Variants in WNK2 observed in about 807,000 individuals in gnomAD.
The protein encoded by WNK2 is WNK lysine deficient protein kinase 2.
In WNK2, 67 loss-of-function variants were observed where a neutral mutation model predicts 192.1. The ratio of observed to expected loss-of-function variants is 0.35; its 90% CI spans 0.29 to 0.43. WNK2 has a LOEUF of 0.43. WNK2 is among the 20% of genes least tolerant of loss of function. WNK2 has a pLI of 1.00. For synonymous variants in WNK2, 1,439 were observed against 1,393.9 expected (o/e 1.03, Z -0.72); for missense variants, 2,698 against 3,089.7 (o/e 0.87, Z 3.01).
At chr9:93,282,541 T>C (rs1357500870) in intron 19 of WNK2, among the ~76,000 whole-genome samples, 2 of 151,712 alleles carry the variant, frequency 1.3e-5, no homozygotes, top group African/African-American at 4.8e-5. Flanking sequence ...AAGAGCACAC[T>C]AATACTCACC....
chr9:93,262,215 T>A, intron 13 of WNK2, 108 bp downstream of exon 13: 1 of 1,345,758 alleles, frequency 7.4e-7, no homozygotes, highest in Non-Finnish European at 9.9e-7. Flanking sequence ...TGCTTAGCTC[T>A]GGGACAGCCA....
intron 2 of WNK2, among the ~76,000 whole-genome samples, chr9:93,198,327 G>C (rs1831651654): frequency 6.6e-6 from 1 of 152,244 alleles, no homozygotes. Context: ...AGGGAGCTGA[G>C]CGGCTGCAGT....
At chr9:93,308,122 A>G in intron 27 of WNK2, 1 of 1,081,618 alleles carries the variant, frequency 9.2e-7, no homozygotes, top group East Asian at 2.6e-5. Context: ...GGTGATGGCC[A>G]CCTGGCACAG....
chr9:93,297,069 C>A (rs1850688543), intron 23 of WNK2, among the ~76,000 whole-genome samples: 1 of 142,618 alleles, frequency 7.0e-6, no homozygotes, highest in Non-Finnish European at 1.5e-5. Context: ...TCTTCCCCTC[C>A]ACATCCTCTT....
intron 11 of WNK2, 118 bp from the exon 12 acceptor site, chr9:93,258,813 T>C: frequency 1.2e-6 from 1 of 856,404 alleles, no homozygotes; most frequent in Non-Finnish European, 1.8e-6. Context: ...GAAAGGGTCA[T>C]GCTGTCTTCA....
At position 93,185,293 on chromosome 9, in the gene WNK2, C is replaced by A. The variant is rs1022703427; in HGVS notation, c.364C>A (p.Gln122Lys). ...ADAGPEPVGT[Q>K]EPGPDPIAAA... Reference sequence around the variant, plus strand: ...CGCCGGCCCCGAGCCCGTGGGCACGCAGGAGCCCGGCCCGGACCCCATCGC... The same window carrying A: ...CGCCGGCCCCGAGCCCGTGGGCACGAAGGAGCCCGGCCCGGACCCCATCGC... The change falls in exon 2 of 30, where the codon CAG becomes AAG. Residue 122 changes from glutamine (Q) to lysine (K), a missense_variant. Gln to Lys is a moderately conservative substitution (Grantham distance 53). Coordinates refer to ENST00000427277, the MANE Select transcript of WNK2 (RefSeq NM_006648.4). 2 of 1,422,864 alleles carry A rather than the reference C, an allele frequency of 1.4e-6. No individual in the cohort carries two copies. Among genetic ancestry groups the A allele is most frequent in the African/African-American group, 3.0e-5 (2 of 66,088 alleles). 88.1% of individuals were successfully genotyped at this position (1,422,864 alleles called of 1,614,324 possible). A position where few individuals can be genotyped will look rare whatever the true frequency, so the allele number is the denominator to read the frequency against.
Position 93,292,476 on chromosome 9 carries a change from C to G in WNK2, c.5026-15C>G. On this transcript the variant is annotated splice_polypyrimidine_tract_variant and intron_variant, in intron 22 of 29. Coordinates refer to ENST00000427277, the MANE Select transcript of WNK2 (RefSeq NM_006648.4). ...TGTTCACATGAAACCTCTTCATCTC[C>G]GCTTGTTTCCCAAGGATGTACCTGC... The G allele has an allele frequency of 5.0e-6, 8 of 1,607,672 alleles. No individual in the cohort carries two copies. Among genetic ancestry groups the G allele is most frequent in the Non-Finnish European group, 6.8e-6 (8 of 1,175,766 alleles).
At chr9:93,290,715 T>C (rs722402) in intron 21 of WNK2, among the ~76,000 whole-genome samples, 1 of 151,480 alleles carries the variant, frequency 6.6e-6, no homozygotes, top group Non-Finnish European at 1.5e-5. Flanking sequence ...AGCAGTGCGG[T>C]GGGGGGGGCG....
intron 27 of WNK2, 92 bp from the exon 28 acceptor site, chr9:93,308,236 C>A: frequency 6.7e-7 from 1 of 1,482,282 alleles, no homozygotes. Flanking sequence ...ACCATTGTCT[C>A]AGCTGTCACG....
At chr9:93,209,446 G>A (rs1834088342) in intron 2 of WNK2, among the ~76,000 whole-genome samples, 1 of 152,222 alleles carries the variant, frequency 6.6e-6, no homozygotes, top group East Asian at 1.9e-4. Flanking sequence ...GACAGGTCTT[G>A]CAGCCTGAGG....
intron 2 of WNK2, among the ~76,000 whole-genome samples, chr9:93,216,218 T>C (rs925935713): frequency 6.6e-6 from 1 of 152,208 alleles, no homozygotes; most frequent in Admixed American, 6.5e-5. Context: ...AGTTCTGCCT[T>C]GCTTCTCTGC....
intron 16 of WNK2, among the ~76,000 whole-genome samples, chr9:93,265,381 A>G (rs1282717375): frequency 6.6e-6 from 1 of 152,104 alleles, no homozygotes; most frequent in Non-Finnish European, 1.5e-5. Context: ...AAGGTGGGAG[A>G]TGAGGAATAT....
At chr9:93,258,372 C>T (rs1434476599) in intron 11 of WNK2, among the ~76,000 whole-genome samples, 4 of 152,184 alleles carry the variant, frequency 2.6e-5, no homozygotes, top group Non-Finnish European at 5.9e-5. Flanking sequence ...GCCAAGGTGG[C>T]TCAAAGATTT....
chr9:93,251,090 A>G (rs1432266044), intron 8 of WNK2, among the ~76,000 whole-genome samples: 2 of 150,906 alleles, frequency 1.3e-5, no homozygotes, highest in Non-Finnish European at 2.9e-5. Flanking sequence ...CCTGGCCCAT[A>G]TTCACTTTAT....
At chr9:93,318,306 A>G in intron 29 of WNK2, 1 of 1,530,836 alleles carries the variant, frequency 6.5e-7, no homozygotes, top group Non-Finnish European at 8.8e-7. Flanking sequence ...AATGCCTTTT[A>G]CAAACATTGA....
rs947941388 is a variant in WNK2, at chr9:93,247,939, C to T, written c.1834+105C>T. 3.8e-6 allele frequency: 5 copies of T among 1,303,340 alleles called. No homozygotes were observed. The African/African-American group carries it at 5.9e-5, about 15-fold the overall frequency. The allele number at this position is 1,303,340 out of a possible 1,614,324, so 80.7% of individuals were successfully genotyped here. A position where few individuals can be genotyped will look rare whatever the true frequency, so the allele number is the denominator to read the frequency against. On this transcript the variant is annotated intron_variant, in intron 8 of 29. Transcript: ENST00000427277. This position sits in a 1 kb window ranked among gnomAD's most constrained non-coding sequence, Gnocchi z 5.2. ...GAAGTCCTCTCCCTTTATTGGAATGCTTTGTGAGGAAGGGGGTCCGCATGG... is the reference window on the plus strand; with the variant it reads ...GAAGTCCTCTCCCTTTATTGGAATGTTTTGTGAGGAAGGGGGTCCGCATGG...
At chr9:93,268,961 G>GCCCTGTTACCCCACC (rs1845627916) in intron 19 of WNK2, 1 of 1,549,724 alleles carries the variant, frequency 6.5e-7, no homozygotes, top group Non-Finnish European at 8.7e-7. Context: ...GTTTGAGTCT[G>GCCCTGTTACCCCACC]CCCTGTTACC....
At chr9:93,290,092 G>A (rs940840263) in intron 21 of WNK2, 45 bp downstream of exon 21, 9 of 1,530,400 alleles carry the variant, frequency 5.9e-6, no homozygotes, top group Admixed American at 2.0e-5. Context: ...GTGCTGCCTG[G>A]CTTCCTTGCC....
intron 23 of WNK2, 118 bp downstream of exon 23, chr9:93,293,291 C>A: frequency 3.2e-6 from 3 of 949,004 alleles, no homozygotes; most frequent in Non-Finnish European, 4.3e-6. Context: ...CCACTTGGAG[C>A]TGCCAAGCAG....
Sources: allele counts gnomAD v4.1 joint callset (sites outside exome capture counted in the v4.1 genomes callset), GRCh38; gene constraint gnomAD v4.1.1; non-coding constraint Gnocchi (gnomAD v3.1); transcripts MANE v1.5; gene names NCBI Gene and HGNC (gene_info 2026-07-23, HGNC 2026-07-21).